The following EEA1 variants were observed in gnomAD, a reference collection of about 807,000 sequenced individuals.
EEA1 encodes early endosome antigen 1.
A neutral mutation model predicts 209.2 loss-of-function variants in EEA1; 111 were observed. The ratio of observed to expected loss-of-function variants is 0.53; its 90% CI spans 0.45 to 0.62. The LOEUF is 0.62. Among genes scored for constraint, EEA1 ranks in the 20% least tolerant of loss-of-function variants. EEA1 has a pLI of 0.00. For missense variants in EEA1, 1,343 were observed against 1,530.8 expected (o/e 0.88, Z 2.05); for synonymous variants, 536 against 540.6 (o/e 0.99, Z 0.12).
At chr12:92,828,209 A>G (rs1296742231) in intron 11 of EEA1, 148 bp from the exon 12 acceptor site, 4 of 531,586 alleles carry the variant, frequency 7.5e-6, no homozygotes, top group African/African-American at 2.0e-5. Context: ...GATTTTATAC[A>G]GTAATTTTAA....
In EEA1 at chr12:92,799,093, G is replaced by GA. The variant is rs148365385; in HGVS notation, c.2773-8dup. ...ATTTCAACTGATGAGAAGCCTGAAA[G>GA]AAAAAAAAAATCTATTTAGCCTTCA... On this transcript the variant is annotated splice_polypyrimidine_tract_variant and splice_region_variant and intron_variant, in intron 20 of 28. Coordinates refer to ENST00000322349, the MANE Select transcript of EEA1 (RefSeq NM_003566.4). The GA allele has an allele frequency of 0.088, 131,940 of 1,492,144 alleles. 4,505 individuals carry two copies. The highest frequency in any genetic ancestry group is 0.097 in the Non-Finnish European group (108,547 of 1,117,270). 92.4% of individuals were successfully genotyped at this position (1,492,144 alleles called of 1,614,324 possible).
At chr12:92,876,301 G>A (rs1004684493) in intron 2 of EEA1, among the ~76,000 whole-genome samples, 3 of 151,920 alleles carry the variant, frequency 2.0e-5, no homozygotes, top group South Asian at 2.1e-4. Context: ...GGTCTTAGGC[G>A]ATCCTCCCAC....
intron 1 of EEA1, among the ~76,000 whole-genome samples, chr12:92,912,327 C>T (rs898589714): frequency 6.7e-6 from 1 of 149,612 alleles, no homozygotes; most frequent in African/African-American, 2.6e-5. Context: ...ATGTAATCCT[C>T]CCCTACATAA....
intron 2 of EEA1, among the ~76,000 whole-genome samples, chr12:92,889,221 C>T (rs1879558475): frequency 6.7e-6 from 1 of 149,670 alleles, no homozygotes; most frequent in Non-Finnish European, 1.5e-5. Flanking sequence ...TAGCAGTACC[C>T]AGGACTAAAC....
chr12:92,822,673 A>AT (rs1479041314), intron 13 of EEA1, among the ~76,000 whole-genome samples: 2 of 152,104 alleles, frequency 1.3e-5, no homozygotes, highest in Non-Finnish European at 2.9e-5. Flanking sequence ...CAGAAGTCTT[A>AT]TGTAACCAAT....
intron 14 of EEA1, among the ~76,000 whole-genome samples, chr12:92,818,926 CTT>C (rs1234347879): frequency 6.6e-6 from 1 of 152,138 alleles, no homozygotes; most frequent in African/African-American, 2.4e-5. Context: ...AAAACTAACA[CTT>C]GATTAATATC....
intron 1 of EEA1, among the ~76,000 whole-genome samples, chr12:92,903,382 G>A (rs887554833): frequency 6.6e-6 from 1 of 151,914 alleles, no homozygotes; most frequent in Non-Finnish European, 1.5e-5. Flanking sequence ...CAGATCACCT[G>A]AGGTCGGGAG....
intron 22 of EEA1, among the ~76,000 whole-genome samples, chr12:92,784,846 TTGGGA>T (rs1565806752): frequency 6.6e-6 from 1 of 152,146 alleles, no homozygotes; most frequent in Non-Finnish European, 1.5e-5. Flanking sequence ...CATGGTTTTG[TTGGGA>T]CTATCTCTAA....
At position 92,777,621 on chromosome 12, in the gene EEA1, T is replaced by C. The variant is rs548098936; in HGVS notation, c.3936A>G (p.Lys1312=). 6.2e-7 allele frequency: 1 copy of C among 1,612,334 alleles called. No individual in the cohort carries two copies. The highest frequency in any genetic ancestry group is 1.3e-5 in the African/African-American group (1 of 74,982). The part of the protein sequence containing the change: ...GEGEIEKLQT[K]VLELQRKLDN... ...CCAGCTTTCTTTGCAATTCTAATAC[T>C]TTGGTTTGAAGCTTTTCTATTTCAC... Residue 1312 remains lysine, a synonymous_variant, in exon 27 of 29, where the codon AAA becomes AAG. Coordinates refer to ENST00000322349, the MANE Select transcript of EEA1 (RefSeq NM_003566.4).
chr12:92,790,729 C>A (rs1439352749), intron 21 of EEA1, among the ~76,000 whole-genome samples: 1 of 152,104 alleles, frequency 6.6e-6, no homozygotes, highest in Non-Finnish European at 1.5e-5. Flanking sequence ...ACTTCCCGAA[C>A]CTAGCAAGGC....
Position 92,788,996 on chromosome 12 carries a change from A to G in EEA1, c.2968-947T>C, listed in dbSNP as rs148158757. 8.1e-3 allele frequency among the ~76,000 whole-genome samples: 1,239 copies of G among 152,230 alleles called. 25 individuals carry two copies. The highest frequency in any genetic ancestry group is 0.027 in the African/African-American group (1,130 of 41,540). ...TTTAATCCATACACTCTCTCTTTAGAAGATCTCAACTAGGCCGGGCATGGT... is the reference window on the plus strand; with the variant it reads ...TTTAATCCATACACTCTCTCTTTAGGAGATCTCAACTAGGCCGGGCATGGT... On this transcript the variant is annotated intron_variant, in intron 21 of 28. Coordinates refer to ENST00000322349, the MANE Select transcript of EEA1 (RefSeq NM_003566.4).
chr12:92,784,063 C>T (rs866185434), intron 22 of EEA1, among the ~76,000 whole-genome samples: 2 of 152,278 alleles, frequency 1.3e-5, no homozygotes, highest in Middle Eastern at 6.8e-3. Context: ...GCCAGTAGAA[C>T]ACTAAACCCC....
chr12:92,899,044 AGGCT>A (rs1880041146), intron 1 of EEA1, among the ~76,000 whole-genome samples: 1 of 151,726 alleles, frequency 6.6e-6, no homozygotes, highest in Non-Finnish European at 1.5e-5. Flanking sequence ...CACCACACCA[AGGCT>A]TATCCAAAAC....
chr12:92,819,223 T>C, intron 14 of EEA1, 85 bp downstream of exon 14: 2 of 1,216,514 alleles, frequency 1.6e-6, no homozygotes, highest in Non-Finnish European at 1.1e-6. Flanking sequence ...AGAGCAAGAA[T>C]GAAGAATCAT....
At chr12:92,834,546 T>TATAA (rs1876823126) in intron 10 of EEA1, among the ~76,000 whole-genome samples, 1 of 74,430 alleles carries the variant, frequency 1.3e-5, no homozygotes, top group Non-Finnish European at 2.4e-5. Flanking sequence ...ACCCTGTCAC[T>TATAA]AAAAAAAAAA....
At chr12:92,919,341 T>A (rs1447568360) in intron 1 of EEA1, among the ~76,000 whole-genome samples, 1 of 146,600 alleles carries the variant, frequency 6.8e-6, no homozygotes, top group East Asian at 2.0e-4. Flanking sequence ...GATGCAAAAA[T>A]CCTCAATAAA....
At chr12:92,881,630 G>T (rs1300597260) in intron 2 of EEA1, among the ~76,000 whole-genome samples, 2 of 152,102 alleles carry the variant, frequency 1.3e-5, no homozygotes, top group African/African-American at 4.8e-5. Flanking sequence ...TGAGGACAAA[G>T]AAGTACAGAT....
chr12:92,926,024 G>A (rs890931320), intron 1 of EEA1, among the ~76,000 whole-genome samples: 2 of 149,196 alleles, frequency 1.3e-5, no homozygotes, highest in South Asian at 2.1e-4. Context: ...ACGGAGTTCC[G>A]GTCTTGTTGC....
intron 2 of EEA1, among the ~76,000 whole-genome samples, chr12:92,873,168 A>G (rs1443398690): frequency 6.6e-6 from 1 of 152,224 alleles, no homozygotes; most frequent in Admixed American, 6.5e-5. Flanking sequence ...TTATCTATAA[A>G]ATGGGGCTAA....
Sources: allele counts gnomAD v4.1 joint callset (sites outside exome capture counted in the v4.1 genomes callset), GRCh38; gene constraint gnomAD v4.1.1; transcripts MANE v1.5; gene names NCBI Gene and HGNC (gene_info 2026-07-23, HGNC 2026-07-21).